TPRG1: variants seen among roughly 807,000 people sequenced by gnomAD.
TPRG1 encodes tumor protein p63-regulated gene 1 protein.
A neutral mutation model predicts 29.3 loss-of-function variants in TPRG1; 29 were observed. The ratio of observed to expected loss-of-function variants is 0.99; its 90% CI spans 0.74 to 1.35. The LOEUF (loss-of-function observed/expected upper bound fraction) is 1.35. Among genes scored for constraint, TPRG1 ranks in the 40% most tolerant of loss-of-function variants. TPRG1 has a pLI of 0.00. For missense variants in TPRG1, 327 were observed against 335.0 expected (o/e 0.98, Z 0.19); for synonymous variants, 130 against 116.8 (o/e 1.11, Z -0.73).
intron 4 of TPRG1, among the ~76,000 whole-genome samples, chr3:189,270,182 T>C (rs1320459323): frequency 6.7e-6 from 1 of 149,690 alleles, no homozygotes; most frequent in African/African-American, 2.5e-5. Context: ...AATAATAACA[T>C]GCTGAAGAGA....
chr3:189,225,924 T>C (rs1364176653), intron 3 of TPRG1, among the ~76,000 whole-genome samples: 1 of 152,090 alleles, frequency 6.6e-6, no homozygotes, highest in Non-Finnish European at 1.5e-5. Context: ...TATTATCTAA[T>C]GATAAAAGAG....
intron 5 of TPRG1, among the ~76,000 whole-genome samples, chr3:189,316,561 C>T (rs777750745): frequency 3.9e-5 from 6 of 152,284 alleles, no homozygotes; most frequent in Admixed American, 6.5e-5. Flanking sequence ...AGACTCCAGG[C>T]AATGAACTGT....
intron 4 of TPRG1, among the ~76,000 whole-genome samples, chr3:189,026,317 A>T (rs916640490): frequency 6.6e-5 from 10 of 152,226 alleles, no homozygotes; most frequent in Non-Finnish European, 1.2e-4. Context: ...TCTTCTTCTT[A>T]TAAGGACATC....
chr3:189,146,271 G>A (rs917918691), intron 3 of TPRG1, among the ~76,000 whole-genome samples: 1 of 152,150 alleles, frequency 6.6e-6, no homozygotes, highest in Non-Finnish European at 1.5e-5. Flanking sequence ...AATGCTGGTG[G>A]CCAAAGGATA....
At chr3:189,125,414 G>A (rs933010370) in intron 1 of TPRG1, among the ~76,000 whole-genome samples, 1 of 152,164 alleles carries the variant, frequency 6.6e-6, no homozygotes, top group Admixed American at 6.5e-5. Flanking sequence ...TACATTAAAT[G>A]AAGGTGCTTA....
chr3:189,162,198 C>A (rs780086700), intron 5 of TPRG1, among the ~76,000 whole-genome samples: 2 of 152,042 alleles, frequency 1.3e-5, no homozygotes, highest in Non-Finnish European at 2.9e-5. Context: ...GTTTCACCAT[C>A]TTGGCAGGCT....
At chr3:189,176,343 G>A (rs144513713) in intron 1 of TPRG1, among the ~76,000 whole-genome samples, 14 of 152,194 alleles carry the variant, frequency 9.2e-5, no homozygotes, top group East Asian at 7.7e-4. Context: ...CAATTCAAAC[G>A]TCTATTCAAG....
intron 4 of TPRG1, among the ~76,000 whole-genome samples, chr3:189,239,947 A>G (rs562892450): frequency 2.4e-4 from 36 of 152,172 alleles, no homozygotes; most frequent in Non-Finnish European, 4.3e-4. Context: ...CAAGAGAAAC[A>G]ACAGTCTTTC....
chr3:189,217,224 T>C (rs1039055241), intron 3 of TPRG1, among the ~76,000 whole-genome samples: 1 of 152,190 alleles, frequency 6.6e-6, no homozygotes, highest in Non-Finnish European at 1.5e-5. Flanking sequence ...ACTACAATGA[T>C]TGGTAACACC....
chr3:189,113,432 A>G (rs942713467), intron 1 of TPRG1, among the ~76,000 whole-genome samples: 1 of 152,126 alleles, frequency 6.6e-6, no homozygotes, highest in African/African-American at 2.4e-5. Flanking sequence ...GAGTGGTGAG[A>G]CAGGGCATCC....
chr3:189,244,590 A>C (rs1340095394), intron 4 of TPRG1, among the ~76,000 whole-genome samples: 1 of 152,090 alleles, frequency 6.6e-6, no homozygotes, highest in Non-Finnish European at 1.5e-5. Context: ...GGGAGATGCT[A>C]CACACTTTTA....
At chr3:189,215,186 C>T in intron 2 of TPRG1, 106 bp from the exon 3 acceptor site, 2 of 876,022 alleles carry the variant, frequency 2.3e-6, no homozygotes, top group Middle Eastern at 2.3e-4. Context: ...AAACTATATC[C>T]TTTGTGACCA....
intron 1 of TPRG1, among the ~76,000 whole-genome samples, chr3:189,205,526 A>G (rs1734192191): frequency 6.6e-6 from 1 of 152,220 alleles, no homozygotes; most frequent in South Asian, 2.1e-4. Flanking sequence ...CCCAATTTCA[A>G]AAGCGGAAGC....
intron 4 of TPRG1, among the ~76,000 whole-genome samples, chr3:189,083,463 C>T (rs1717738100): frequency 6.6e-6 from 1 of 152,120 alleles, no homozygotes; most frequent in Non-Finnish European, 1.5e-5. Context: ...CCCAAGGGAC[C>T]CCAGGAACCA....
Position 189,310,373 on chromosome 3 carries a change from G to T in TPRG1, c.480-13G>T. On this transcript the variant is annotated splice_polypyrimidine_tract_variant and intron_variant, in intron 4 of 5. Transcript: ENST00000345063. The stretch of plus-strand genomic sequence containing the variant: ...GGAAATGACTAATCTAATGGAAAAC[G>T]CCTTTCTTGTAGGAGACAAGGAGAA... The T allele has an allele frequency of 1.3e-6, 2 of 1,558,710 alleles. No homozygotes were observed. The highest frequency in any genetic ancestry group is 1.7e-6 in the Non-Finnish European group (2 of 1,152,212).
intron 4 of TPRG1, among the ~76,000 whole-genome samples, chr3:189,291,798 G>C (rs1719044634): frequency 6.6e-6 from 1 of 152,186 alleles, no homozygotes; most frequent in Non-Finnish European, 1.5e-5. Flanking sequence ...TCATTAAGCA[G>C]GGCAACACTG....
At chr3:189,044,428 G>A (rs985340050) in intron 4 of TPRG1, among the ~76,000 whole-genome samples, 6 of 152,036 alleles carry the variant, frequency 3.9e-5, no homozygotes, top group Non-Finnish European at 7.4e-5. Flanking sequence ...GGTGGCAGGC[G>A]CCTGTAATCC....
At chr3:189,129,332 G>A (rs1352390560) in intron 2 of TPRG1, among the ~76,000 whole-genome samples, 1 of 152,112 alleles carries the variant, frequency 6.6e-6, no homozygotes, top group Non-Finnish European at 1.5e-5. Context: ...GGACTATACT[G>A]AAGGTATTGC....
chr3:189,288,277 TATAAC>T (rs1718415714), intron 4 of TPRG1, among the ~76,000 whole-genome samples: 1 of 152,216 alleles, frequency 6.6e-6, no homozygotes, highest in Admixed American at 6.5e-5. Context: ...GATAAACTAA[TATAAC>T]AAAGTCTATA....
Sources: gnomAD v4.1 joint callset for allele counts (sites outside exome capture counted in the v4.1 genomes callset) on GRCh38, gnomAD v4.1.1 for gene constraint, MANE v1.5 for transcripts, NCBI Gene and HGNC (gene_info 2026-07-23, HGNC 2026-07-21) for gene names.